MAPK8: variants seen among roughly 807,000 people sequenced by gnomAD.
The protein encoded by MAPK8 is JUN N-terminal kinase.
In MAPK8, 13 loss-of-function variants were observed where a neutral mutation model predicts 52.9. The ratio of observed to expected loss-of-function variants is 0.25; its 90% CI spans 0.16 to 0.39. MAPK8 has a LOEUF of 0.39. Among genes scored for constraint, MAPK8 ranks in the 10% least tolerant of loss-of-function variants. The probability of loss-of-function intolerance (pLI) is 1.00; values close to 1 mark genes in which losing one functional copy is unlikely to be tolerated. For missense variants in MAPK8, 300 were observed against 519.2 expected (o/e 0.58, Z 4.10); for synonymous variants, 191 against 169.8 (o/e 1.12, Z -0.97).
rs1439503845 is a variant in MAPK8, at chr10:48,413,857, A to ATATATATATG, written c.450+3692_450+3693insATATATGTAT. Among the ~76,000 whole-genome samples the ATATATATATG allele has an allele frequency of 2.6e-4, 32 of 124,550 alleles. 1 individual carries two copies. The highest frequency in any genetic ancestry group is 9.5e-4 in the African/African-American group (32 of 33,764). The allele number at this position is 124,550 out of a possible 152,430, so 81.7% of individuals were successfully genotyped here. A position where few individuals can be genotyped will look rare whatever the true frequency, so the allele number is the denominator to read the frequency against. ...TATATATATATATATATATATATAT[A>ATATATATATG]TATTCAGAAATATTTTATATTTTTG... On this transcript the variant is annotated intron_variant, in intron 5 of 11. Transcript: ENST00000374189.
chr10:48,429,244 G>C lies in MAPK8; in HGVS notation c.1061-1949G>C, dbSNP rs558540136. On this transcript the variant is annotated intron_variant, in intron 10 of 11. Transcript: ENST00000374189. ...GTGCCACAAAGAAAAAAACACCTTC[G>C]GTTGTACAGCACCATTGGTTATAAG... Among the ~76,000 whole-genome samples the C allele has an allele frequency of 4.6e-5, 7 of 152,102 alleles. No individual in the cohort carries two copies. In the East Asian group the frequency reaches 1.3e-3, roughly 29 times the overall value.
intron 1 of MAPK8, among the ~76,000 whole-genome samples, chr10:48,388,648 A>G (rs913135453): frequency 6.6e-6 from 1 of 152,226 alleles, no homozygotes; most frequent in African/African-American, 2.4e-5. Context: ...CTGTTTCTTC[A>G]GTATATAATC....
At chr10:48,316,522 A>G (rs1474152469) in intron 1 of MAPK8, among the ~76,000 whole-genome samples, 1 of 152,228 alleles carries the variant, frequency 6.6e-6, no homozygotes, top group Non-Finnish European at 1.5e-5. Context: ...GCTCCCGGAA[A>G]TATAATTTAG....
chr10:48,326,129 T>G (rs1484893371), intron 1 of MAPK8, among the ~76,000 whole-genome samples: 2 of 152,232 alleles, frequency 1.3e-5, no homozygotes, highest in African/African-American at 4.8e-5. Flanking sequence ...TAGGGAGTTA[T>G]GTCCTGCTTC....
intron 2 of MAPK8, among the ~76,000 whole-genome samples, chr10:48,402,409 A>G (rs891845397): frequency 6.6e-6 from 1 of 152,234 alleles, no homozygotes; most frequent in Non-Finnish European, 1.5e-5. Flanking sequence ...CTTATTCTAT[A>G]CTGGGGAATG....
At chr10:48,405,690 G>A (rs1193852577) in intron 3 of MAPK8, among the ~76,000 whole-genome samples, 2 of 152,236 alleles carry the variant, frequency 1.3e-5, no homozygotes, top group African/African-American at 4.8e-5. Flanking sequence ...TAAACTAGGA[G>A]TGAATTGTGT....
chr10:48,353,389 C>T (rs538475014), intron 1 of MAPK8, among the ~76,000 whole-genome samples: 7 of 152,274 alleles, frequency 4.6e-5, no homozygotes, highest in African/African-American at 1.7e-4. Context: ...GACAGATAGA[C>T]ACATAGGTCA....
intron 3 of MAPK8, among the ~76,000 whole-genome samples, chr10:48,409,555 A>G (rs1242820862): frequency 6.6e-6 from 1 of 152,204 alleles, no homozygotes; most frequent in African/African-American, 2.4e-5. Flanking sequence ...CTGAATTGGA[A>G]AAGAACTGGT....
At chr10:48,350,125 A>G (rs886567395) in intron 1 of MAPK8, among the ~76,000 whole-genome samples, 5 of 152,318 alleles carry the variant, frequency 3.3e-5, no homozygotes, top group South Asian at 4.1e-4. Flanking sequence ...GCAGTACTTA[A>G]TAGCCTGCTA....
intron 1 of MAPK8, among the ~76,000 whole-genome samples, chr10:48,358,059 C>G (rs1847151266): frequency 6.6e-6 from 1 of 152,198 alleles, no homozygotes; most frequent in East Asian, 1.9e-4. Context: ...TTTATCCAGT[C>G]ATTAGTTGAT....
intron 1 of MAPK8, among the ~76,000 whole-genome samples, chr10:48,331,072 C>A (rs1165481757): frequency 6.6e-6 from 1 of 152,134 alleles, no homozygotes. Context: ...TCAAGGGTCT[C>A]CAGCTTAGAG....
intron 1 of MAPK8, among the ~76,000 whole-genome samples, chr10:48,383,643 GC>G (rs1351624987): frequency 6.6e-6 from 1 of 151,978 alleles, no homozygotes; most frequent in Non-Finnish European, 1.5e-5. Context: ...GTGAACTCCA[GC>G]TGGGCATTAA....
At chr10:48,378,794 C>G (rs2040821249) in intron 1 of MAPK8, among the ~76,000 whole-genome samples, 1 of 151,888 alleles carries the variant, frequency 6.6e-6, no homozygotes, top group South Asian at 2.1e-4. Context: ...TAGTAACAAT[C>G]TCACTCTGTC....
rs1211365596 is a variant in MAPK8 at position 48,372,905 on chromosome 10, G to A, written c.-49-28707G>A. Among the ~76,000 whole-genome samples the A allele has an allele frequency of 4.6e-5, 7 of 152,128 alleles. No homozygotes were observed. In the East Asian group the frequency reaches 5.8e-4, roughly 13 times the overall value. On this transcript the variant is annotated intron_variant, in intron 1 of 11. Coordinates refer to ENST00000374189, the MANE Select transcript of MAPK8 (RefSeq NM_001323329.2). ...GGAGAACACCACAAAGATATTCCTC[G>A]AGAAGAGCAGCCCCAAGACACATAA...
At chr10:48,362,975 A>G (rs1847687769) in intron 1 of MAPK8, among the ~76,000 whole-genome samples, 1 of 152,030 alleles carries the variant, frequency 6.6e-6, no homozygotes, top group South Asian at 2.1e-4. Context: ...TCCTGACTTC[A>G]TGATCCGCCC....
At chr10:48,392,363 A>G (rs1480499266) in intron 1 of MAPK8, among the ~76,000 whole-genome samples, 1 of 152,166 alleles carries the variant, frequency 6.6e-6, no homozygotes, top group Non-Finnish European at 1.5e-5. Flanking sequence ...CAAAGTCTGT[A>G]ACAAGGTATA....
intron 1 of MAPK8, among the ~76,000 whole-genome samples, chr10:48,320,079 G>A (rs1842855870): frequency 6.6e-6 from 1 of 151,584 alleles, no homozygotes; most frequent in Admixed American, 6.6e-5. Flanking sequence ...ACCACTGCCA[G>A]CTTATTTTGT....
At chr10:48,341,170 A>G (rs1451603347) in intron 1 of MAPK8, among the ~76,000 whole-genome samples, 1 of 152,226 alleles carries the variant, frequency 6.6e-6, no homozygotes, top group Admixed American at 6.5e-5. Context: ...AATAAACTGA[A>G]CCCTATTTAA....
At chr10:48,397,481 A>G (rs1299131703) in intron 1 of MAPK8, among the ~76,000 whole-genome samples, 1 of 152,222 alleles carries the variant, frequency 6.6e-6, no homozygotes, top group Non-Finnish European at 1.5e-5. Flanking sequence ...GAAAAAAATG[A>G]TAGTGACAAA....
Sources: allele counts gnomAD v4.1 joint callset (sites outside exome capture counted in the v4.1 genomes callset), GRCh38; gene constraint gnomAD v4.1.1; transcripts MANE v1.5; gene names NCBI Gene and HGNC (gene_info 2026-07-23, HGNC 2026-07-21).